The following TLE4 variants were observed in gnomAD, a reference collection of about 807,000 sequenced individuals.
TLE4 encodes the protein TLE family member 4, transcriptional corepressor, also known as transducin-like enhancer protein 4.
In TLE4, 8 loss-of-function variants were observed where a neutral mutation model predicts 92.8. That is an observed-to-expected ratio of 0.09 (90% CI 0.05 to 0.16). The LOEUF is 0.16. Among genes scored for constraint, TLE4 ranks in the 10% least tolerant of loss-of-function variants. The probability of loss-of-function intolerance (pLI) is 1.00; values close to 1 mark genes in which losing one functional copy is unlikely to be tolerated. For missense variants in TLE4, 675 were observed against 997.6 expected (o/e 0.68, Z 4.36); for synonymous variants, 371 against 374.1 (o/e 0.99, Z 0.10).
chr9:79,649,481 A>T (rs1346621148), intron 6 of TLE4: 1 of 173,326 alleles, frequency 5.8e-6, no homozygotes, highest in African/African-American at 2.4e-5. Flanking sequence ...TTGACTTTAG[A>T]TGGGCAGTTC....
chr9:79,660,912 CAG>C (rs1187367921), intron 8 of TLE4, among the ~76,000 whole-genome samples: 1 of 152,182 alleles, frequency 6.6e-6, no homozygotes, highest in African/African-American at 2.4e-5. Flanking sequence ...TACTAATTAA[CAG>C]GGGCGGCCTG....
chr9:79,597,959 G>A lies in TLE4; in HGVS notation c.253-14697G>A, dbSNP rs933196326. ...ATTTAAAAGGACTCACTGGCCTGGC[G>A]TGGTGGCTCACGCCTGTAATCCCAG... On this transcript the variant is annotated intron_variant, in intron 4 of 19. Transcript: ENST00000376552. Among the ~76,000 whole-genome samples, 10 of 152,000 alleles carry A rather than the reference G, an allele frequency of 6.6e-5. 1 individual carries two copies. The South Asian group carries it at 1.5e-3, about 22-fold the overall frequency.
At chr9:79,671,969 GC>G (rs1554763616) in intron 8 of TLE4, among the ~76,000 whole-genome samples, 1 of 115,866 alleles carries the variant, frequency 8.6e-6, no homozygotes, top group Non-Finnish European at 1.7e-5. Context: ...TACGGCCTAT[GC>G]TTTTTAGGCC....
chr9:79,654,606 A>T (rs1215184468), intron 8 of TLE4, among the ~76,000 whole-genome samples: 1 of 151,756 alleles, frequency 6.6e-6, no homozygotes, highest in East Asian at 1.9e-4. Context: ...TAACAAGTTA[A>T]TTCTCTTTAG....
Position 79,708,681 on chromosome 9 carries a change from G to C in TLE4, c.1158G>C (p.Leu386=), listed in dbSNP as rs1424993386. The change falls in exon 13 of 20, where the codon CTG becomes CTC. Residue 386 remains leucine (L), a synonymous_variant. Transcript: ENST00000376552. ...CCCATGCTGGAATGAACGGAGAGCT[G>C]ACCAGCCCCGGAGCGGCCTACGCTG... ...IVPHAGMNGE[L]TSPGAAYAGL... is the part of the protein sequence containing the mutation. The C allele has an allele frequency of 1.9e-6, 3 of 1,613,928 alleles. No homozygotes were observed. The highest frequency in any genetic ancestry group is 2.5e-6 in the Non-Finnish European group (3 of 1,180,026).
chr9:79,659,676 A>G (rs1205241965), intron 8 of TLE4, among the ~76,000 whole-genome samples: 2 of 152,174 alleles, frequency 1.3e-5, no homozygotes, highest in African/African-American at 4.8e-5. Context: ...ATACAATTCC[A>G]CAAAGCAGAT....
chr9:79,690,755 A>G (rs990311326), intron 8 of TLE4, among the ~76,000 whole-genome samples: 4 of 130,976 alleles, frequency 3.1e-5, no homozygotes, highest in South Asian at 2.7e-4. Flanking sequence ...AGTTGGGACT[A>G]TAGGAATGTG....
intron 8 of TLE4, among the ~76,000 whole-genome samples, chr9:79,695,082 A>T (rs1055774597): frequency 6.6e-6 from 1 of 152,024 alleles, no homozygotes; most frequent in African/African-American, 2.4e-5. Flanking sequence ...GGAAAGATTA[A>T]TTTCTATTAC....
chr9:79,680,838 C>A (rs188306946), intron 8 of TLE4, among the ~76,000 whole-genome samples: 5 of 152,020 alleles, frequency 3.3e-5, no homozygotes, highest in African/African-American at 1.2e-4. Flanking sequence ...TAGCATGAAG[C>A]GTTGTTGAAT....
In TLE4 at chr9:79,652,473, C is replaced by T. The variant is rs1015017409; in HGVS notation, c.391-120C>T. ...AAGTGCTGGGATTACAGGCGTGAGC[C>T]ACCGTGCCCAGCCGGTGTTGGCTTT... is the stretch of plus-strand genomic sequence containing the variant. On this transcript the variant is annotated intron_variant, in intron 6 of 19. Coordinates refer to ENST00000376552, the MANE Select transcript of TLE4 (RefSeq NM_007005.6). The T allele has an allele frequency of 6.4e-6, 7 of 1,095,894 alleles. No homozygotes were observed. The African/African-American group carries it at 7.7e-5, about 12-fold the overall frequency. 67.9% of individuals were successfully genotyped at this position (1,095,894 alleles called of 1,614,324 possible).
intron 8 of TLE4, among the ~76,000 whole-genome samples, chr9:79,684,984 A>G (rs529306023): frequency 6.6e-6 from 1 of 152,302 alleles, no homozygotes; most frequent in African/African-American, 2.4e-5. Flanking sequence ...GTAGCCTGGC[A>G]CATGCGTCAT....
At chr9:79,688,773 A>T (rs1017672267) in intron 8 of TLE4, among the ~76,000 whole-genome samples, 2 of 152,044 alleles carry the variant, frequency 1.3e-5, no homozygotes, top group African/African-American at 4.8e-5. Flanking sequence ...TGCCAAATAC[A>T]TTCCAATTAG....
At chr9:79,722,729 G>A in intron 18 of TLE4, 128 bp downstream of exon 18, 1 of 1,191,776 alleles carries the variant, frequency 8.4e-7, no homozygotes, top group Non-Finnish European at 1.2e-6. Flanking sequence ...ATTACTTCCT[G>A]ATACATGCCT....
At chr9:79,666,408 T>G (rs113011228) in intron 8 of TLE4, among the ~76,000 whole-genome samples, 233 of 152,154 alleles carry the variant, frequency 1.5e-3, no homozygotes, top group African/African-American at 5.1e-3. Context: ...TTTTTGTTTT[T>G]GGTATTTTTT....
intron 17 of TLE4, among the ~76,000 whole-genome samples, chr9:79,722,142 C>A (rs1291462443): frequency 1.3e-5 from 2 of 151,468 alleles, no homozygotes; most frequent in Admixed American, 1.3e-4. Context: ...TGCAGCCTGG[C>A]GACAGAGCAA....
At chr9:79,573,342 T>TC (rs1564053130) in intron 1 of TLE4, 2 of 1,088,074 alleles carry the variant, frequency 1.8e-6, no homozygotes, top group South Asian at 3.2e-5. Context: ...ATGGCGCGGG[T>TC]CCCCCCGACG....
chr9:79,607,383 C>T (rs1224299811), intron 4 of TLE4, among the ~76,000 whole-genome samples: 1 of 152,062 alleles, frequency 6.6e-6, no homozygotes, highest in Non-Finnish European at 1.5e-5. Context: ...TTAATTAGAT[C>T]CCATTTGTCA....
At chr9:79,707,224 T>C in intron 11 of TLE4, 2 of 1,610,588 alleles carry the variant, frequency 1.2e-6, no homozygotes, top group South Asian at 2.2e-5. Context: ...TTATGGTAAA[T>C]TTAGTTTGGG....
At chr9:79,646,544 A>C (rs190572521) in intron 6 of TLE4, among the ~76,000 whole-genome samples, 1 of 152,312 alleles carries the variant, frequency 6.6e-6, no homozygotes, top group East Asian at 1.9e-4. Flanking sequence ...CTACTTAGCC[A>C]TTGGTGACTT....
Sources: gnomAD v4.1 joint callset for allele counts (sites outside exome capture counted in the v4.1 genomes callset) on GRCh38, gnomAD v4.1.1 for gene constraint, MANE v1.5 for transcripts, NCBI Gene and HGNC (gene_info 2026-07-23, HGNC 2026-07-21) for gene names.